Variants in SHROOM3 observed in about 807,000 individuals in gnomAD.
The protein encoded by SHROOM3 is protein Shroom3.
A neutral mutation model predicts 138.6 loss-of-function variants in SHROOM3; 47 were observed. The observed-to-expected ratio is 0.34, with a 90% CI of 0.27 to 0.43. The LOEUF (loss-of-function observed/expected upper bound fraction) is 0.43. Among genes scored for constraint, SHROOM3 ranks in the 20% least tolerant of loss-of-function variants. The pLI, the probability that SHROOM3 is intolerant of heterozygous loss-of-function variation, is 1.00. For missense variants in SHROOM3, 2,491 were observed against 2,596.5 expected, an observed-to-expected ratio of 0.96 and a Z score of 0.88; for synonymous variants, 1,062 against 1,063.3, an observed-to-expected ratio of 1.00 and a Z score of 0.02.
At chr4:76,737,666 T>C (rs1316895336) in intron 4 of SHROOM3, among the ~76,000 whole-genome samples, 1 of 151,866 alleles carries the variant, frequency 6.6e-6, no homozygotes, top group Non-Finnish European at 1.5e-5. Context: ...GGTTGTTTTT[T>C]GTTTTTGCCT....
At chr4:76,487,605 A>T (rs1402678755) in intron 1 of SHROOM3, among the ~76,000 whole-genome samples, 1 of 150,166 alleles carries the variant, frequency 6.7e-6, no homozygotes, top group African/African-American at 2.5e-5. Flanking sequence ...TCCGCCTTAC[A>T]ATCCCCATCC....
At chr4:76,442,282 A>T (rs1730707479) in intron 1 of SHROOM3, among the ~76,000 whole-genome samples, 1 of 152,184 alleles carries the variant, frequency 6.6e-6, no homozygotes, top group Non-Finnish European at 1.5e-5. Flanking sequence ...GAAAACTGAG[A>T]TGCAAAAAAA....
chr4:76,769,678 G>T (rs566548103), intron 9 of SHROOM3, among the ~76,000 whole-genome samples: 1 of 152,212 alleles, frequency 6.6e-6, no homozygotes, highest in Non-Finnish European at 1.5e-5. Flanking sequence ...TCTAATGATT[G>T]TACAAGGGTG....
At chr4:76,660,014 CT>C (rs1374028596) in intron 2 of SHROOM3, among the ~76,000 whole-genome samples, 4 of 152,278 alleles carry the variant, frequency 2.6e-5, no homozygotes, top group African/African-American at 9.6e-5. Context: ...TGCTCAGATG[CT>C]GGGTATCACA....
chr4:76,465,020 T>C (rs749947836), intron 1 of SHROOM3, among the ~76,000 whole-genome samples: 6 of 152,216 alleles, frequency 3.9e-5, no homozygotes, highest in Non-Finnish European at 7.3e-5. Flanking sequence ...CCAGTGGTGT[T>C]TTGAGTGCCT....
intron 1 of SHROOM3, among the ~76,000 whole-genome samples, chr4:76,510,729 G>A (rs896583928): frequency 6.6e-6 from 1 of 152,154 alleles, no homozygotes; most frequent in African/African-American, 2.4e-5. Flanking sequence ...TTGAGGACTC[G>A]ATATGTGCAT....
intron 2 of SHROOM3, among the ~76,000 whole-genome samples, chr4:76,630,928 C>T (rs1935913265): frequency 6.6e-6 from 1 of 152,146 alleles, no homozygotes; most frequent in Non-Finnish European, 1.5e-5. Context: ...AATTTGTAAA[C>T]TGCTGTTCCA....
At position 76,620,789 on chromosome 4, in the gene SHROOM3, C is replaced by T. The variant is rs115449512; in HGVS notation, c.323+65026C>T. 9.9e-3 allele frequency among the ~76,000 whole-genome samples: 1,502 copies of T among 152,194 alleles called. 11 individuals are homozygous for T. Among genetic ancestry groups the T allele is most frequent in the Non-Finnish European group, 0.015 (1,036 of 67,992 alleles). Reference sequence around the variant, plus strand: ...CTTAGGGTCACCAGGCTGAGGAACCCGATGACCATCTTCCTGTGTAACGTT... The same window carrying T: ...CTTAGGGTCACCAGGCTGAGGAACCTGATGACCATCTTCCTGTGTAACGTT... On this transcript the variant is annotated intron_variant, in intron 2 of 10. Transcript: ENST00000296043.
At chr4:76,776,780 G>A (rs1722583995) in intron 10 of SHROOM3, among the ~76,000 whole-genome samples, 1 of 152,150 alleles carries the variant, frequency 6.6e-6, no homozygotes, top group Non-Finnish European at 1.5e-5. Flanking sequence ...TTTGTGTAAG[G>A]TGAGAGATGA....
At chr4:76,497,918 G>T (rs1018966260) in intron 1 of SHROOM3, among the ~76,000 whole-genome samples, 2 of 152,162 alleles carry the variant, frequency 1.3e-5, no homozygotes, top group Admixed American at 6.6e-5. Context: ...CAGGAAAGAG[G>T]TCGTGCATGG....
At chr4:76,520,334 A>G (rs1243221724) in intron 1 of SHROOM3, among the ~76,000 whole-genome samples, 1 of 152,076 alleles carries the variant, frequency 6.6e-6, no homozygotes, top group Non-Finnish European at 1.5e-5. Flanking sequence ...CTTTATTTTC[A>G]CCAACTGTTG....
At chr4:76,567,463 A>G (rs1382131423) in intron 2 of SHROOM3, among the ~76,000 whole-genome samples, 1 of 152,142 alleles carries the variant, frequency 6.6e-6, no homozygotes, top group African/African-American at 2.4e-5. Flanking sequence ...ATCCTGGCTA[A>G]CACGATAAAA....
intron 2 of SHROOM3, among the ~76,000 whole-genome samples, chr4:76,654,388 T>TCCA (rs1463281371): frequency 2.0e-5 from 3 of 152,222 alleles, no homozygotes; most frequent in Middle Eastern, 3.4e-3. Context: ...TGTTTTTGTT[T>TCCA]AAACCAGTTG....
At chr4:76,684,305 AG>A (rs1236294716) in intron 2 of SHROOM3, among the ~76,000 whole-genome samples, 2 of 152,300 alleles carry the variant, frequency 1.3e-5, no homozygotes, top group Non-Finnish European at 2.9e-5. Flanking sequence ...TAGCCTTGAC[AG>A]GGTCCTTTGT....
intron 1 of SHROOM3, among the ~76,000 whole-genome samples, chr4:76,456,460 G>A (rs530192894): frequency 6.6e-6 from 1 of 152,220 alleles, no homozygotes; most frequent in Non-Finnish European, 1.5e-5. Flanking sequence ...ATTTTTTTCT[G>A]AATATTTTTG....
intron 1 of SHROOM3, among the ~76,000 whole-genome samples, chr4:76,477,981 C>T (rs1292990239): frequency 6.6e-6 from 1 of 152,206 alleles, no homozygotes; most frequent in African/African-American, 2.4e-5. Flanking sequence ...TTGCAACCCA[C>T]AGACCAGGAG....
At chr4:76,653,725 C>T (rs900030373) in intron 2 of SHROOM3, among the ~76,000 whole-genome samples, 1 of 152,030 alleles carries the variant, frequency 6.6e-6, no homozygotes, top group Non-Finnish European at 1.5e-5. Context: ...GCCACCACAC[C>T]TGGCTAATTT....
At chr4:76,468,328 C>T (rs1033970406) in intron 1 of SHROOM3, among the ~76,000 whole-genome samples, 1 of 152,166 alleles carries the variant, frequency 6.6e-6, no homozygotes, top group African/African-American at 2.4e-5. Flanking sequence ...TTTAACCCAA[C>T]AAGACCACTT....
At chr4:76,564,869 A>G (rs1007445494) in intron 2 of SHROOM3, among the ~76,000 whole-genome samples, 9 of 152,158 alleles carry the variant, frequency 5.9e-5, no homozygotes, top group African/African-American at 1.9e-4. Flanking sequence ...CCATTAAAGA[A>G]TGGCACTCAA....
Sources: allele counts gnomAD v4.1 joint callset (sites outside exome capture counted in the v4.1 genomes callset), GRCh38; gene constraint gnomAD v4.1.1; transcripts MANE v1.5; gene names NCBI Gene and HGNC (gene_info 2026-07-23, HGNC 2026-07-21).